Variants in ATP2B2 observed in about 807,000 individuals in gnomAD.
ATP2B2 encodes plasma membrane calcium-transporting ATPase 2.
In ATP2B2, 15 loss-of-function variants were observed where a neutral mutation model predicts 120.0. The ratio of observed to expected loss-of-function variants is 0.12; its 90% CI spans 0.08 to 0.19. ATP2B2 has a LOEUF of 0.19. ATP2B2 is among the 10% of genes least tolerant of loss of function. The pLI is 1.00. For synonymous variants in ATP2B2, 694 were observed against 700.3 expected, an observed-to-expected ratio of 0.99 and a Z score of 0.14; for missense variants, 1,045 against 1,719.8, an observed-to-expected ratio of 0.61 and a Z score of 6.94.
At chr3:10,656,628 G>A (rs2070635524) in intron 1 of ATP2B2, among the ~76,000 whole-genome samples, 1 of 152,212 alleles carries the variant, frequency 6.6e-6, no homozygotes, top group African/African-American at 2.4e-5. Context: ...CTTGGGATGA[G>A]GAGGTGAGAG....
rs1180971356 is a variant in ATP2B2, at chr3:10,326,121, TC to T, written c.*2692del. ...TACATTATTGTCTAGATAAAAAAAT[TC>T]ATAAAAACAGATGAATGGTCATAAA... On this transcript the variant is annotated 3_prime_UTR_variant, in exon 23 of 23. Transcript: ENST00000360273. 1 of 152,526 alleles carries T rather than the reference TC, an allele frequency of 6.6e-6. No homozygotes were observed. The allele number at this position is 152,526 out of a possible 1,614,324, so 9.4% of individuals were successfully genotyped here.
chr3:10,571,157 G>A (rs776423018), intron 2 of ATP2B2, among the ~76,000 whole-genome samples: 2 of 152,226 alleles, frequency 1.3e-5, no homozygotes, highest in Non-Finnish European at 2.9e-5. Flanking sequence ...TCATGCTGTG[G>A]TTACATGAAG....
chr3:10,363,503 G>C (rs1390900404), intron 12 of ATP2B2, among the ~76,000 whole-genome samples: 1 of 152,204 alleles, frequency 6.6e-6, no homozygotes, highest in East Asian at 1.9e-4. Flanking sequence ...TCTTGGCATG[G>C]TGTTGGGCCT....
chr3:10,483,913 G>A (rs1559394849), intron 1 of ATP2B2, among the ~76,000 whole-genome samples: 1 of 138,370 alleles, frequency 7.2e-6, no homozygotes, highest in East Asian at 2.1e-4. Flanking sequence ...AGAGGCCCAG[G>A]GATCAAGGCG....
intron 2 of ATP2B2, among the ~76,000 whole-genome samples, chr3:10,543,009 A>C (rs1284583490): frequency 6.6e-6 from 1 of 152,012 alleles, no homozygotes; most frequent in Non-Finnish European, 1.5e-5. Context: ...GGCTCTGTTC[A>C]TTTTGTTTTC....
intron 1 of ATP2B2, among the ~76,000 whole-genome samples, chr3:10,651,744 A>AATGGATGGATGGATGGATGGATGG (rs36070242): frequency 1.1e-4 from 17 of 150,686 alleles, no homozygotes; most frequent in South Asian, 8.5e-4. Context: ...TGCATGTATG[A>AATGGATGGATGGATGGATGGATGG]ATGGATGGAT....
chr3:10,447,488 T>C (rs1386073940), intron 2 of ATP2B2, among the ~76,000 whole-genome samples: 1 of 152,222 alleles, frequency 6.6e-6, no homozygotes, highest in Non-Finnish European at 1.5e-5. Flanking sequence ...GAGCCACACC[T>C]GTTGCGTGTG....
intron 3 of ATP2B2, among the ~76,000 whole-genome samples, chr3:10,406,102 T>C (rs73016691): frequency 0.018 from 2,737 of 152,304 alleles, 38 homozygotes; most frequent in Non-Finnish European, 0.027. Flanking sequence ...GAGTATGAGA[T>C]AAGACCTTCC....
intron 2 of ATP2B2, among the ~76,000 whole-genome samples, chr3:10,612,505 T>C (rs2069268730): frequency 6.6e-6 from 1 of 152,196 alleles, no homozygotes; most frequent in Admixed American, 6.5e-5. Context: ...TTTGCTTTGC[T>C]GGCCCTTCCT....
rs568339038 is a variant in ATP2B2 at position 10,449,585 on chromosome 3, G to A, written c.-42C>T. The A allele has an allele frequency of 9.3e-6, 15 of 1,609,316 alleles. No homozygotes were observed. Among genetic ancestry groups the A allele is most frequent in the African/African-American group, 6.7e-5 (5 of 74,912 alleles). On this transcript the variant is annotated 5_prime_UTR_variant, in exon 2 of 23. Coordinates refer to ENST00000360273, the MANE Select transcript of ATP2B2 (RefSeq NM_001001331.4). ...GCTCGGGCTGGGCCCAAGGGTCAGC[G>A]CTGGACAAGAGGCTGCCGGGTGATG... is the stretch of plus-strand genomic sequence containing the variant.
At chr3:10,349,623 C>A (rs907068840) in intron 16 of ATP2B2, among the ~76,000 whole-genome samples, 1 of 151,932 alleles carries the variant, frequency 6.6e-6, no homozygotes, top group East Asian at 1.9e-4. Flanking sequence ...TGGTCACAAA[C>A]GTTGGTTGGG....
intron 11 of ATP2B2, among the ~76,000 whole-genome samples, chr3:10,374,590 C>G (rs929793747): frequency 6.6e-6 from 1 of 152,196 alleles, no homozygotes; most frequent in Admixed American, 6.5e-5. Flanking sequence ...AGAAGCCCTA[C>G]GCCCGGCCCT....
At chr3:10,525,263 CT>C (rs980469865) in intron 3 of ATP2B2, among the ~76,000 whole-genome samples, 5 of 152,224 alleles carry the variant, frequency 3.3e-5, no homozygotes, top group African/African-American at 1.2e-4. Context: ...ACCGACCAGC[CT>C]TTTGGTTGTA....
chr3:10,447,741 A>G (rs2063889126), intron 2 of ATP2B2, among the ~76,000 whole-genome samples: 1 of 152,226 alleles, frequency 6.6e-6, no homozygotes, highest in African/African-American at 2.4e-5. Flanking sequence ...GAAGTCTCCA[A>G]GCAAAGCCGA....
At chr3:10,576,448 A>G (rs767935217) in intron 2 of ATP2B2, among the ~76,000 whole-genome samples, 1 of 152,056 alleles carries the variant, frequency 6.6e-6, no homozygotes, top group Non-Finnish European at 1.5e-5. Context: ...TGGTATCATC[A>G]TGGCTCACTG....
At chr3:10,543,838 G>A (rs984516674) in intron 2 of ATP2B2, among the ~76,000 whole-genome samples, 2 of 151,416 alleles carry the variant, frequency 1.3e-5, no homozygotes, top group East Asian at 1.9e-4. Flanking sequence ...TCCTGGGTTC[G>A]AGAAATTCTC....
At chr3:10,367,116 C>A (rs192878523) in intron 12 of ATP2B2, among the ~76,000 whole-genome samples, 19 of 152,286 alleles carry the variant, frequency 1.2e-4, no homozygotes, top group Non-Finnish European at 2.2e-4. Context: ...GGCTTATTTG[C>A]TACCACTGGC....
At chr3:10,459,622 T>G (rs1352777703) in intron 1 of ATP2B2, among the ~76,000 whole-genome samples, 1 of 152,266 alleles carries the variant, frequency 6.6e-6, no homozygotes, top group Admixed American at 6.5e-5. Context: ...CACTGTCCTC[T>G]TCTGCCCTCA....
At position 10,386,574 on chromosome 3, in the gene ATP2B2, C is replaced by G. The variant is rs374299000; in HGVS notation, c.908-62G>C. ...AAGCACACAGCCTCATCTGCCCATGCGCACGCGCACACACACAAACACACA... is the reference window on the plus strand; with the variant it reads ...AAGCACACAGCCTCATCTGCCCATGGGCACGCGCACACACACAAACACACA... On this transcript the variant is annotated intron_variant, in intron 6 of 22. Coordinates refer to ENST00000360273, the MANE Select transcript of ATP2B2 (RefSeq NM_001001331.4). 7 of 1,561,570 alleles carry G rather than the reference C, an allele frequency of 4.5e-6. No individual in the cohort carries two copies. The African/African-American group carries it at 5.4e-5, about 12-fold the overall frequency.
Sources: gnomAD v4.1 joint callset for allele counts (sites outside exome capture counted in the v4.1 genomes callset) on GRCh38, gnomAD v4.1.1 for gene constraint, MANE v1.5 for transcripts, NCBI Gene and HGNC (gene_info 2026-07-23, HGNC 2026-07-21) for gene names.